KNL1: variants seen among roughly 807,000 people sequenced by gnomAD.
KNL1 encodes outer kinetochore KNL1 complex subunit KNL1.
KNL1 carries 66 observed loss-of-function variants against 201.3 expected under a neutral mutation model. That is an observed-to-expected ratio of 0.33 (90% confidence interval 0.27 to 0.40). The LOEUF (loss-of-function observed/expected upper bound fraction) is 0.40. KNL1 is among the 10% of genes least tolerant of loss of function. KNL1 has a pLI of 1.00. For missense variants in KNL1, 2,815 were observed against 2,690.5 expected, an observed-to-expected ratio of 1.05 and a Z score of -1.02; for synonymous variants, 895 against 899.2, an observed-to-expected ratio of 1.00 and a Z score of 0.08.
intron 21 of KNL1, among the ~76,000 whole-genome samples, chr15:40,652,360 A>G (rs1893591085): frequency 6.6e-6 from 1 of 152,054 alleles, no homozygotes; most frequent in South Asian, 2.1e-4. Context: ...TAATGGATAA[A>G]CATGCTACTC....
In KNL1 at chr15:40,622,194, T is replaced by G. The variant is rs747765278; in HGVS notation, c.1930T>G (p.Trp644Gly). The G allele has an allele frequency of 3.1e-6, 5 of 1,613,928 alleles. No individual in the cohort carries two copies. The highest frequency in any genetic ancestry group is 1.1e-5 in the South Asian group (1 of 91,082). The part of the protein sequence containing the change: ...LTDTWNKDKD[W>G]VLKILPYLDK... ...CGACACCTGGAACAAAGACAAAGAT[T>G]GGGTTTTGAAGATTTTGCCCTACCT... The change falls in exon 10 of 26, where the codon TGG becomes GGG. Residue 644 changes from tryptophan to glycine, a missense_variant. By Grantham distance (184) the Trp-to-Gly change is radical (BLOSUM62 -2). Transcript: ENST00000399668.
intron 20 of KNL1, among the ~76,000 whole-genome samples, 199 bp from the exon 21 acceptor site, chr15:40,651,806 T>C (rs1265009795): frequency 6.6e-6 from 1 of 152,224 alleles, no homozygotes; most frequent in Non-Finnish European, 1.5e-5. Flanking sequence ...GTTTCTCTGA[T>C]ATACAACTCA....
At chr15:40,595,482 C>G (rs1172531641) in intron 1 of KNL1, among the ~76,000 whole-genome samples, 2 of 152,084 alleles carry the variant, frequency 1.3e-5, no homozygotes, top group Non-Finnish European at 2.9e-5. Context: ...AGGGTCAAAG[C>G]AGTATAATTC....
At chr15:40,617,139 G>A (rs1892368696) in intron 8 of KNL1, among the ~76,000 whole-genome samples, 1 of 152,212 alleles carries the variant, frequency 6.6e-6, no homozygotes, top group Non-Finnish European at 1.5e-5. Context: ...AGTAGAGATG[G>A]GGTTTCACCA....
chr15:40,649,437 A>G (rs940557302), intron 17 of KNL1, among the ~76,000 whole-genome samples: 1 of 151,914 alleles, frequency 6.6e-6, no homozygotes, highest in Non-Finnish European at 1.5e-5. Flanking sequence ...CTGGGATTAC[A>G]GGCATGCACC....
At position 40,622,175 on chromosome 15, in the gene KNL1, CTGGAACAAAGACAAAGAT is replaced by C. The variant is rs1892558992; in HGVS notation, c.1915_1932del (p.Asn639_Trp644del). The C allele has an allele frequency of 1.2e-6, 2 of 1,614,104 alleles. No homozygotes were observed. Among genetic ancestry groups the C allele is most frequent in the East Asian group, 4.5e-5 (2 of 44,870 alleles). Reference sequence around the variant, plus strand: ...TAGCCAAAAACAGCTTAACCGACACCTGGAACAAAGACAAAGATTGGGTTTTGAAGATTTTGCCCTACC... The same window carrying C: ...TAGCCAAAAACAGCTTAACCGACACCTGGGTTTTGAAGATTTTGCCCTACC... On this transcript the variant is annotated inframe_deletion, in exon 10 of 26. Transcript: ENST00000399668.
In KNL1 at chr15:40,664,254, T is replaced by A. The variant is rs935631453; in HGVS notation, c.*2066T>A. The stretch of plus-strand genomic sequence containing the variant: ...GTTTTTCTTTGTTCAAGGTATTGAC[T>A]AGTTTCATAAATTTTTTGAAAGTTT... On this transcript the variant is annotated 3_prime_UTR_variant, in exon 26 of 26. Coordinates refer to ENST00000399668, the MANE Select transcript of KNL1 (RefSeq NM_144508.5). The A allele has an allele frequency of 1.1e-5, 2 of 178,314 alleles. No homozygotes were observed. The allele number at this position is 178,314 out of a possible 1,614,324, so 11.0% of individuals were successfully genotyped here. A position where few individuals can be genotyped will look rare whatever the true frequency, so the allele number is the denominator to read the frequency against.
At chr15:40,612,797 G>A (rs967559115) in intron 7 of KNL1, among the ~76,000 whole-genome samples, 4 of 152,058 alleles carry the variant, frequency 2.6e-5, no homozygotes, top group African/African-American at 7.2e-5. Context: ...GATTACAGGC[G>A]TGAGCCACTG....
At chr15:40,639,754 A>C (rs533661795) in intron 13 of KNL1, among the ~76,000 whole-genome samples, 7 of 151,932 alleles carry the variant, frequency 4.6e-5, no homozygotes, top group African/African-American at 1.7e-4. Flanking sequence ...AGCCTAGGTG[A>C]CAGCTAGACC....
rs759009760 is a variant in KNL1, at chr15:40,608,884, G to A, written c.173G>A (p.Arg58Gln). ...TTGAGAAATAAGAAAAACTCTCGTC[G>A]AGTCAGCTTTGCAGATACTATAAAG... The part of the protein sequence containing the change: ...NALRNKKNSR[R>Q]VSFADTIKVF... Residue 58 changes from arginine to glutamine, a missense_variant, in exon 5 of 26, where the codon CGA (arginine) becomes CAA (glutamine). Physicochemically the swap from Arg to Gln is conservative, Grantham distance 43 (BLOSUM62 1). This residue lies in a region of KNL1 where 2,464 missense variants were observed against 2,291.7 expected (regional missense o/e 1.08). Coordinates refer to ENST00000399668, the MANE Select transcript of KNL1 (RefSeq NM_144508.5). 7 of 1,610,924 alleles carry A rather than the reference G, an allele frequency of 4.3e-6. No individual in the cohort carries two copies. Among genetic ancestry groups the A allele is most frequent in the Non-Finnish European group, 5.9e-6 (7 of 1,178,246 alleles).
At chr15:40,596,686 C>A (rs76517329) in intron 1 of KNL1, among the ~76,000 whole-genome samples, 3,024 of 152,058 alleles carry the variant, frequency 0.02, 102 homozygotes, top group African/African-American at 0.07. Flanking sequence ...CCCTCATTTC[C>A]TGTAGTACTT....
intron 11 of KNL1, 145 bp downstream of exon 11, chr15:40,628,353 A>T (rs1269195748): frequency 1.2e-6 from 1 of 835,364 alleles, no homozygotes; most frequent in Non-Finnish European, 1.8e-6. Context: ...TATTTAGTTT[A>T]TTTTTAATTC....
intron 1 of KNL1, among the ~76,000 whole-genome samples, chr15:40,600,540 C>T (rs564972116): frequency 6.6e-6 from 1 of 152,306 alleles, no homozygotes; most frequent in Admixed American, 6.5e-5. Context: ...GGCACAGTGG[C>T]TCATGCTTAT....
chr15:40,659,550 T>C, intron 25 of KNL1, 89 bp downstream of exon 25: 1 of 1,217,528 alleles, frequency 8.2e-7, no homozygotes, highest in Non-Finnish European at 1.1e-6. Flanking sequence ...TGGAGTGTAG[T>C]GGCGCAATCT....
At chr15:40,641,072 A>T (rs1447449646) in intron 14 of KNL1, 45 bp downstream of exon 14, 3 of 1,267,404 alleles carry the variant, frequency 2.4e-6, no homozygotes, top group Non-Finnish European at 3.4e-6. Context: ...GAGGGGAGGG[A>T]TCAGTTAATA....
chr15:40,623,211 C>T lies in KNL1; in HGVS notation c.2947C>T (p.Leu983=), dbSNP rs746656074. ...PNFELSQRKS[L]GTPTVICTPT... is the part of the protein sequence containing the mutation. ...CTTTGAACTATCCCAAAGGAAAAGC[C>T]TAGGAACACCAACAGTGATATGTAC... The change falls in exon 10 of 26, where the codon CTA becomes TTA. Residue 983 remains leucine, a synonymous_variant. Coordinates refer to ENST00000399668, the MANE Select transcript of KNL1 (RefSeq NM_144508.5). 9.3e-6 allele frequency: 15 copies of T among 1,613,762 alleles called. No homozygotes were observed. The highest frequency in any genetic ancestry group is 1.3e-5 in the Non-Finnish European group (15 of 1,179,862).
intron 25 of KNL1, 58 bp from the exon 26 acceptor site, chr15:40,662,016 G>A: frequency 5.2e-6 from 5 of 964,044 alleles, no homozygotes; most frequent in Non-Finnish European, 8.2e-6. Flanking sequence ...TCCAGCCTGG[G>A]CGACAGAGCG....
intron 13 of KNL1, 74 bp downstream of exon 13, chr15:40,629,445 G>T: frequency 4.4e-6 from 3 of 676,710 alleles, no homozygotes; most frequent in East Asian, 6.3e-5. Flanking sequence ...GAATGGAAGA[G>T]AGCAAATTTT....
intron 4 of KNL1, among the ~76,000 whole-genome samples, chr15:40,607,837 C>T (rs1252832950): frequency 6.6e-6 from 1 of 151,856 alleles, no homozygotes; most frequent in African/African-American, 2.4e-5. Flanking sequence ...AACACTTGTG[C>T]TTTCTTGGTG....
Sources: gnomAD v4.1 joint callset for allele counts (sites outside exome capture counted in the v4.1 genomes callset) on GRCh38, gnomAD v4.1.1 for gene constraint, gnomAD v4.1.1 regional missense constraint, MANE v1.5 for transcripts, NCBI Gene and HGNC (gene_info 2026-07-23, HGNC 2026-07-21) for gene names.